Variants in MRTO4 observed in about 807,000 individuals in gnomAD.
The protein encoded by MRTO4 is MRT4 homolog, ribosome maturation factor.
A neutral mutation model predicts 28.6 loss-of-function variants in MRTO4; 7 were observed. The ratio of observed to expected loss-of-function variants is 0.24; its 90% CI spans 0.14 to 0.46. The LOEUF (loss-of-function observed/expected upper bound fraction) is 0.46. Ranked by LOEUF, MRTO4 falls within the 20% of genes least tolerant of loss-of-function variation. MRTO4 has a pLI of 0.99. For synonymous variants in MRTO4, 113 were observed against 108.2 expected, an observed-to-expected ratio of 1.04 and a Z score of -0.27; for missense variants, 302 against 298.3, an observed-to-expected ratio of 1.01 and a Z score of -0.09.
In MRTO4 at chr1:19,258,927, T is replaced by C; in HGVS notation, c.*97T>C. ...TCTGGAGAGAGCAGCTTTTTATTTG[T>C]CTGTAGACAGGGAACATGATGGGCA... On this transcript the variant is annotated 3_prime_UTR_variant, in exon 8 of 8. Transcript: ENST00000330263. 7.2e-7 allele frequency: 1 copy of C among 1,389,922 alleles called. No individual in the cohort carries two copies. The highest frequency in any genetic ancestry group is 9.6e-7 in the Non-Finnish European group (1 of 1,041,066). 86.1% of individuals were successfully genotyped at this position (1,389,922 alleles called of 1,614,324 possible).
At chr1:19,255,403 TAAAA>T (rs5772837) in intron 2 of MRTO4, among the ~76,000 whole-genome samples, 2 of 146,484 alleles carry the variant, frequency 1.4e-5, no homozygotes, top group Non-Finnish European at 1.5e-5. Context: ...ACCCTGTCTT[TAAAA>T]AAAAAAAAAA....
chr1:19,257,901 T>C lies in MRTO4; in HGVS notation c.410T>C (p.Leu137Pro), dbSNP rs1455395038. The change falls in exon 6 of 8, where the codon CTG becomes CCG. Residue 137 changes from leucine (L) to proline (P), a missense_variant. Leu to Pro is a moderately conservative substitution (Grantham distance 98). Transcript: ENST00000330263. ...AGNKAAFTVS[L>P]DPGPLEQFPH... ...AACAAAGCAGCTTTCACTGTGAGCC[T>C]GGATCCAGGGCCCCTGGAGCAGTTC... The C allele has an allele frequency of 6.2e-7, 1 of 1,614,014 alleles. No individual in the cohort carries two copies. Among genetic ancestry groups the C allele is most frequent in the African/African-American group, 1.3e-5 (1 of 74,930 alleles).
chr1:19,252,254 T>G, intron 1 of MRTO4: 2 of 272,386 alleles, frequency 7.3e-6, no homozygotes, highest in Non-Finnish European at 7.1e-6. Flanking sequence ...CACAGGTTTG[T>G]TCCCGTGTCT....
chr1:19,252,781 G>A (rs1295749362), intron 1 of MRTO4, among the ~76,000 whole-genome samples: 2 of 152,200 alleles, frequency 1.3e-5, no homozygotes, highest in African/African-American at 4.8e-5. Context: ...CTCCCGAGTA[G>A]CTGAGACTAC....
chr1:19,251,915 C>G (rs994004776), intron 1 of MRTO4, 52 bp downstream of exon 1: 4 of 1,564,802 alleles, frequency 2.6e-6, no homozygotes, highest in African/African-American at 2.7e-5. Flanking sequence ...GGCTGGCTAC[C>G]CAGCCTGCGG....
chr1:19,255,346 A>G (rs901201012), intron 2 of MRTO4, among the ~76,000 whole-genome samples: 3 of 152,016 alleles, frequency 2.0e-5, no homozygotes, highest in Admixed American at 1.3e-4. Context: ...GAAAAGAAAA[A>G]AAAACTAGCT....
At position 19,259,374 on chromosome 1, in the gene MRTO4, G is replaced by A; in HGVS notation, c.*544G>A. On this transcript the variant is annotated 3_prime_UTR_variant, in exon 8 of 8. Transcript: ENST00000330263. Reference sequence around the variant, plus strand: ...AAAGAGGCCTTTGGTGAGCCCAGAAGTTTGAAACCAGCCTGGGCAATTCAG... The same window carrying A: ...AAAGAGGCCTTTGGTGAGCCCAGAAATTTGAAACCAGCCTGGGCAATTCAG... 1 of 152,338 alleles carries A rather than the reference G, an allele frequency of 6.6e-6. No homozygotes were observed. The highest frequency in any genetic ancestry group is 1.5e-5 in the Non-Finnish European group (1 of 68,150). 9.4% of individuals were successfully genotyped at this position (152,338 alleles called of 1,614,324 possible). A position where few individuals can be genotyped will look rare whatever the true frequency, so the allele number is the denominator to read the frequency against.
chr1:19,251,994 G>T (rs1184096726), intron 1 of MRTO4, 131 bp downstream of exon 1: 2 of 1,317,410 alleles, frequency 1.5e-6, no homozygotes, highest in Non-Finnish European at 2.1e-6. Flanking sequence ...CCGCTGCCTC[G>T]CTGCGAGCTG....
rs1206484226 is a variant in MRTO4, at chr1:19,258,542, G to A, written c.559G>A (p.Ala187Thr). 2 of 1,613,962 alleles carry A rather than the reference G, an allele frequency of 1.2e-6. No homozygotes were observed. The highest frequency in any genetic ancestry group is 1.3e-5 in the African/African-American group (1 of 74,942). ...KEGDVLTPEQ[A>T]RVLKLFGYEM... Reference sequence around the variant, plus strand: ...GGGCGATGTGCTGACCCCAGAGCAGGCTCGCGTCCTGGTGAGTCTGGCGCC... The same window carrying A: ...GGGCGATGTGCTGACCCCAGAGCAGACTCGCGTCCTGGTGAGTCTGGCGCC... The change falls in exon 7 of 8, where the codon GCT (alanine) becomes ACT (threonine). Residue 187 changes from alanine (A) to threonine (T), a missense_variant. By Grantham distance (58) the Ala-to-Thr change is moderately conservative. Transcript: ENST00000330263.
In MRTO4 at chr1:19,254,844, A is replaced by C. The variant is rs753111886; in HGVS notation, c.87+4A>C. The C allele has an allele frequency of 6.2e-7, 1 of 1,605,354 alleles. No homozygotes were observed. Among genetic ancestry groups the C allele is most frequent in the Admixed American group, 1.7e-5 (1 of 57,826 alleles). ...GAAACAAAACCTGATAGAAGAGGTA[A>C]GAGGTTGTTCTTTTCTAGAGCTTGC... On this transcript the variant is annotated splice_donor_region_variant and intron_variant, in intron 2 of 7. Transcript: ENST00000330263.
At chr1:19,254,948 G>GAAA (rs3068118) in intron 2 of MRTO4, 108 bp downstream of exon 2, 21,191 of 712,932 alleles carry the variant, frequency 0.03, 141 homozygotes, top group South Asian at 0.04. Context: ...TACTAGTGGG[G>GAAA]AAAAAAAAAA....
In MRTO4 at chr1:19,259,000, C is replaced by T. The variant is rs553657369; in HGVS notation, c.*170C>T. 87 of 801,876 alleles carry T rather than the reference C, an allele frequency of 1.1e-4. No homozygotes were observed. In the South Asian group the frequency reaches 1.2e-3, roughly 11 times the overall value. The allele number at this position is 801,876 out of a possible 1,614,324, so 49.7% of individuals were successfully genotyped here. A position where few individuals can be genotyped will look rare whatever the true frequency, so the allele number is the denominator to read the frequency against. Reference sequence around the variant, plus strand: ...ACTGTGGGCCGGGCGCGGTGGCTCACGCCTGGAATCCCAGCACTTTGGGAA... The same window carrying T: ...ACTGTGGGCCGGGCGCGGTGGCTCATGCCTGGAATCCCAGCACTTTGGGAA... On this transcript the variant is annotated 3_prime_UTR_variant, in exon 8 of 8. Transcript: ENST00000330263.
Position 19,258,765 on chromosome 1 carries a change from G to T in MRTO4, c.655G>T (p.Gly219Ter). 1 of 1,614,184 alleles carries T rather than the reference G, an allele frequency of 6.2e-7. No homozygotes were observed. The highest frequency in any genetic ancestry group is 1.1e-5 in the South Asian group (1 of 91,086). Residue 219 changes from glycine (G) to a stop codon, truncating the protein, a stop_gained, in exon 8 of 8, where the codon GGA (glycine) becomes TGA (stop). Transcript: ENST00000330263. LOFTEE classifies it high-confidence loss of function. ...DSQSGRFQQM[G>*]DDLPESASES... ...ACAGTCGGGAAGGTTCCAGCAGATG[G>T]GAGACGACTTGCCAGAGAGCGCATC...
At chr1:19,251,923 C>T in intron 1 of MRTO4, 60 bp downstream of exon 1, 6 of 1,554,194 alleles carry the variant, frequency 3.9e-6, no homozygotes, top group Non-Finnish European at 5.2e-6. Context: ...ACCCAGCCTG[C>T]GGTGAGGGCT....
intron 2 of MRTO4, among the ~76,000 whole-genome samples, chr1:19,255,610 A>G (rs578138641): frequency 1.2e-4 from 19 of 152,324 alleles, no homozygotes; most frequent in Non-Finnish European, 2.1e-4. Flanking sequence ...GCCTCCCCTT[A>G]TAACAGAGAG....
At chr1:19,253,724 G>A (rs533648106) in intron 1 of MRTO4, among the ~76,000 whole-genome samples, 6 of 152,322 alleles carry the variant, frequency 3.9e-5, no homozygotes, top group African/African-American at 1.4e-4. Flanking sequence ...CTTTGTCTGT[G>A]TGGTACCTAG....
intron 1 of MRTO4, among the ~76,000 whole-genome samples, chr1:19,252,420 G>A (rs538452764): frequency 3.3e-5 from 5 of 152,204 alleles, no homozygotes; most frequent in Non-Finnish European, 5.9e-5. Context: ...ACTGCAGGCC[G>A]GATGCGGTGG....
intron 1 of MRTO4, among the ~76,000 whole-genome samples, chr1:19,254,297 C>G (rs990840804): frequency 7.9e-5 from 12 of 152,132 alleles, no homozygotes; most frequent in African/African-American, 2.7e-4. Context: ...GCCTGTAGTC[C>G]TGTGTGGGAG....
chr1:19,256,402 G>A (rs183346242), intron 3 of MRTO4, among the ~76,000 whole-genome samples: 130 of 152,310 alleles, frequency 8.5e-4, no homozygotes, highest in African/African-American at 3.0e-3. Flanking sequence ...TATAATCCCA[G>A]CTACTCAGGA....
Sources: gnomAD v4.1 joint callset for allele counts (sites outside exome capture counted in the v4.1 genomes callset) on GRCh38, gnomAD v4.1.1 for gene constraint, MANE v1.5 for transcripts, NCBI Gene and HGNC (gene_info 2026-07-23, HGNC 2026-07-21) for gene names.